Variants in ABAT observed in about 807,000 individuals in gnomAD.
ABAT encodes 4-aminobutyrate aminotransferase, also known as 4-aminobutyrate aminotransferase, mitochondrial.
A neutral mutation model predicts 64.6 loss-of-function variants in ABAT; 45 were observed. The ratio of observed to expected loss-of-function variants is 0.70; its 90% confidence interval spans 0.55 to 0.89. The LOEUF (loss-of-function observed/expected upper bound fraction) is 0.89. ABAT is among the 40% of genes least tolerant of loss of function. The pLI, the probability that ABAT is intolerant of heterozygous loss-of-function variation, is 0.00. For synonymous variants in ABAT, 297 were observed against 250.5 expected (o/e 1.19, Z -1.75); for missense variants, 633 against 658.4 (o/e 0.96, Z 0.42).
intron 15 of ABAT, chr16:8,780,254 C>T (rs1402953860): frequency 1.2e-5 from 2 of 173,456 alleles, no homozygotes; most frequent in Admixed American, 5.4e-5. Context: ...GCAGATCAGG[C>T]TTAGCACTCC....
chr16:8,771,925 C>T (rs2060121670), intron 11 of ABAT, among the ~76,000 whole-genome samples: 1 of 152,008 alleles, frequency 6.6e-6, no homozygotes, highest in Non-Finnish European at 1.5e-5. Flanking sequence ...GCCACCATGC[C>T]CAGCTAATTT....
chr16:8,742,910 C>A (rs1455313840), intron 2 of ABAT, among the ~76,000 whole-genome samples: 1 of 146,502 alleles, frequency 6.8e-6, no homozygotes, highest in African/African-American at 2.5e-5. Context: ...GTGTTGTGTG[C>A]CTGTAGTCCT....
At chr16:8,690,436 C>T (rs1315386696) in intron 1 of ABAT, among the ~76,000 whole-genome samples, 1 of 152,190 alleles carries the variant, frequency 6.6e-6, no homozygotes, top group Non-Finnish European at 1.5e-5. Context: ...ACACACCTTC[C>T]AAAGGGCAAA....
intron 1 of ABAT, among the ~76,000 whole-genome samples, chr16:8,729,843 AAAAG>A (rs1470225080): frequency 6.6e-6 from 1 of 151,364 alleles, no homozygotes; most frequent in Non-Finnish European, 1.5e-5. Flanking sequence ...AAAAAAAAAA[AAAAG>A]ACCCTGTTTG....
intron 4 of ABAT, among the ~76,000 whole-genome samples, chr16:8,748,545 T>C (rs985689010): frequency 4.4e-4 from 67 of 152,190 alleles, no homozygotes; most frequent in African/African-American, 1.5e-3. Flanking sequence ...GTTTCTTAGG[T>C]CTGGTTGCTT....
chr16:8,721,247 A>C (rs1429074972), intron 1 of ABAT, among the ~76,000 whole-genome samples: 1 of 152,140 alleles, frequency 6.6e-6, no homozygotes, highest in African/African-American at 2.4e-5. Context: ...CCAGCACCTC[A>C]CACTCTGCCT....
rs565742268 is a variant in ABAT at position 8,730,839 on chromosome 16, C to T, written c.-41-4860C>T. ...TGAGCCAGATATCTCTCAACCCCAA[C>T]GCTGGCTCCACCAGCAACTTGCTGT... On this transcript the variant is annotated intron_variant, in intron 1 of 15. Coordinates refer to ENST00000268251, the MANE Select transcript of ABAT (RefSeq NM_020686.6). Among the ~76,000 whole-genome samples the T allele has an allele frequency of 4.6e-5, 7 of 152,366 alleles. No individual in the cohort carries two copies. The South Asian group carries it at 6.2e-4, about 14-fold the overall frequency.
At chr16:8,709,562 C>T (rs892536829) in intron 1 of ABAT, among the ~76,000 whole-genome samples, 5 of 152,056 alleles carry the variant, frequency 3.3e-5, no homozygotes, top group East Asian at 3.9e-4. Context: ...TCAGTAGAGA[C>T]GGGGTTTCAC....
At chr16:8,747,298 A>G (rs1374856416) in intron 3 of ABAT, among the ~76,000 whole-genome samples, 2 of 152,144 alleles carry the variant, frequency 1.3e-5, no homozygotes, top group African/African-American at 2.4e-5. Context: ...CATTTTGCAT[A>G]TTTTGTCCAT....
chr16:8,716,718 T>C (rs2058225348), intron 1 of ABAT, among the ~76,000 whole-genome samples: 1 of 152,210 alleles, frequency 6.6e-6, no homozygotes, highest in African/African-American at 2.4e-5. Context: ...GAGCCTCTCC[T>C]AGACTAAACT....
At chr16:8,760,601 C>A (rs151214592) in intron 6 of ABAT, among the ~76,000 whole-genome samples, 4 of 152,318 alleles carry the variant, frequency 2.6e-5, no homozygotes, top group African/African-American at 9.6e-5. Context: ...CCCACTGAGG[C>A]CGGAGGCTCC....
chr16:8,776,241 A>G lies in ABAT; in HGVS notation c.1123-103A>G, dbSNP rs2060259971. The G allele has an allele frequency of 6.7e-7, 1 of 1,501,050 alleles. No homozygotes were observed. Among genetic ancestry groups the G allele is most frequent in the African/African-American group, 1.4e-5 (1 of 72,646 alleles). The allele number at this position is 1,501,050 out of a possible 1,614,324, so 93.0% of individuals were successfully genotyped here. ...GCCTCTGGTAGATGCCCACTAGATTAGTTTCTCTCCTCTTCAAGAGAGGAG... is the reference window on the plus strand; with the variant it reads ...GCCTCTGGTAGATGCCCACTAGATTGGTTTCTCTCCTCTTCAAGAGAGGAG... On this transcript the variant is annotated intron_variant, in intron 13 of 15. Coordinates refer to ENST00000268251, the MANE Select transcript of ABAT (RefSeq NM_020686.6). The surrounding 1 kb of genome is among the most constrained non-coding windows in gnomAD (Gnocchi z 4.4).
rs945742743 is a variant in ABAT at position 8,759,745 on chromosome 16, T to C, written c.366+1939T>C. Among the ~76,000 whole-genome samples, 9 of 152,330 alleles carry C rather than the reference T, an allele frequency of 5.9e-5. 1 individual carries two copies. The highest frequency in any genetic ancestry group is 1.9e-4 in the East Asian group (1 of 5,180). ...TTTTGGTAGAGATGGGGTTTCACCA[T>C]GTTGCCCAGGCTGGTCTCGAACTCC... On this transcript the variant is annotated intron_variant, in intron 6 of 15. Coordinates refer to ENST00000268251, the MANE Select transcript of ABAT (RefSeq NM_020686.6).
At chr16:8,722,344 T>A (rs969184083) in intron 1 of ABAT, among the ~76,000 whole-genome samples, 1 of 152,184 alleles carries the variant, frequency 6.6e-6, no homozygotes, top group African/African-American at 2.4e-5. Context: ...GGGGTTTCAC[T>A]ATGTTAGCCA....
chr16:8,709,709 G>A (rs779403170), intron 1 of ABAT, among the ~76,000 whole-genome samples: 1 of 152,128 alleles, frequency 6.6e-6, no homozygotes, highest in African/African-American at 2.4e-5. Context: ...CTAAAGACAT[G>A]ATATAGAAAG....
chr16:8,775,833 G>A (rs997443646), intron 13 of ABAT, among the ~76,000 whole-genome samples: 1 of 152,176 alleles, frequency 6.6e-6, no homozygotes, highest in Non-Finnish European at 1.5e-5. Flanking sequence ...CTAGCCATAA[G>A]GGAGGCTGGG....
chr16:8,778,602 A>T (rs572025035), intron 14 of ABAT, among the ~76,000 whole-genome samples: 3 of 151,982 alleles, frequency 2.0e-5, no homozygotes, highest in Non-Finnish European at 2.9e-5. Flanking sequence ...TTGTGAAACC[A>T]GTTTCTACTA....
intron 1 of ABAT, among the ~76,000 whole-genome samples, chr16:8,712,299 G>A (rs562632666): frequency 6.6e-6 from 1 of 152,278 alleles, no homozygotes; most frequent in Admixed American, 6.5e-5. Flanking sequence ...TTTTATGCAG[G>A]TTGAAATATT....
Position 8,750,507 on chromosome 16 carries a change from A to C in ABAT, c.284A>C (p.Asp95Ala). The change falls in exon 5 of 16, where the codon GAT (aspartate) becomes GCT (alanine). Residue 95 changes from aspartate to alanine, a missense_variant. Transcript: ENST00000268251. Reference sequence around the variant, plus strand: ...GATGTGGACGGCAACCGAATGCTGGATCTTTATTCCCAGATCTCCTCTGTC... The same window carrying C: ...GATGTGGACGGCAACCGAATGCTGGCTCTTTATTCCCAGATCTCCTCTGTC... Reference protein sequence around the residue: ...LVDVDGNRMLDLYSQISSVPI... With the variant: ...LVDVDGNRMLALYSQISSVPI... 3 of 1,614,122 alleles carry C rather than the reference A, an allele frequency of 1.9e-6. No individual in the cohort carries two copies. Among genetic ancestry groups the C allele is most frequent in the Non-Finnish European group, 2.5e-6 (3 of 1,179,988 alleles).
Sources: allele counts gnomAD v4.1 joint callset (sites outside exome capture counted in the v4.1 genomes callset), GRCh38; gene constraint gnomAD v4.1.1; non-coding constraint Gnocchi (gnomAD v3.1); transcripts MANE v1.5; gene names NCBI Gene and HGNC (gene_info 2026-07-23, HGNC 2026-07-21).